HDX: variants seen among roughly 807,000 people sequenced by gnomAD.
HDX encodes highly divergent homeobox, also known as chromosome X open reading frame 43.
Under a neutral mutation model 45.2 loss-of-function variants are expected in HDX, and 19 were observed. That is an observed-to-expected ratio of 0.42 (90% confidence interval 0.29 to 0.62). The LOEUF (loss-of-function observed/expected upper bound fraction) is 0.62. Ranked by LOEUF, HDX falls within the 20% of genes least tolerant of loss-of-function variation. HDX has a pLI of 0.20. For synonymous variants in HDX, 188 were observed against 172.8 expected, an observed-to-expected ratio of 1.09 and a Z score of -0.69; for missense variants, 532 against 493.9, an observed-to-expected ratio of 1.08 and a Z score of -0.73.
intron 1 of HDX, among the ~76,000 whole-genome samples, chrX:84,490,393 A>G (rs1199806802): frequency 9.0e-6 from 1 of 111,627 alleles, no homozygotes; most frequent in Non-Finnish European, 1.9e-5. Context: ...TTTCTCCTCT[A>G]CTGGCCTTTG....
chrX:84,379,717 A>G (rs891275174), intron 5 of HDX, among the ~76,000 whole-genome samples: 1 of 111,055 alleles, frequency 9.0e-6, no homozygotes, highest in Non-Finnish European at 1.9e-5. Flanking sequence ...AACCTATGGG[A>G]TACAGAAAAG....
chrX:84,383,409 T>C (rs1359713627), intron 5 of HDX, among the ~76,000 whole-genome samples: 10 of 112,090 alleles, frequency 8.9e-5, no homozygotes, highest in African/African-American at 3.2e-4. Context: ...GTAGTATGTA[T>C]AGTTTATTCT....
intron 5 of HDX, among the ~76,000 whole-genome samples, chrX:84,432,336 A>C (rs1008192828): frequency 5.4e-5 from 6 of 111,976 alleles, no homozygotes; most frequent in African/African-American, 1.9e-4. Flanking sequence ...TTGGTTCCAT[A>C]CAAATGTTTA....
In HDX at chrX:84,341,128, C is replaced by A. The variant is rs2037075899; in HGVS notation, c.1660+3122G>T. ...TCTGAATATTTTCTCTCAGCTCACC[C>A]ACTCAACCACAGAAACACACAAATC... On this transcript the variant is annotated intron_variant, in intron 7 of 10. Coordinates refer to ENST00000373177, the MANE Select transcript of HDX (RefSeq NM_001177479.2). Among the ~76,000 whole-genome samples, 3 of 110,804 alleles carry A rather than the reference C, an allele frequency of 2.7e-5. No homozygotes were observed. In the South Asian group the frequency reaches 1.1e-3, roughly 42 times the overall value.
intron 5 of HDX, among the ~76,000 whole-genome samples, chrX:84,428,811 C>T (rs1013393362): frequency 3.6e-5 from 4 of 110,426 alleles, no homozygotes; most frequent in Non-Finnish European, 5.7e-5. Context: ...AATTTTTTCT[C>T]TATGTTTTAT....
chrX:84,473,410 G>A (rs930891269), intron 3 of HDX, among the ~76,000 whole-genome samples: 2 of 108,828 alleles, frequency 1.8e-5, no homozygotes, highest in Non-Finnish European at 3.8e-5. Context: ...CCTTTAACTG[G>A]AAAACCCATC....
intron 5 of HDX, among the ~76,000 whole-genome samples, chrX:84,374,415 A>G (rs1484118969): frequency 2.7e-5 from 3 of 110,619 alleles, no homozygotes; most frequent in Non-Finnish European, 5.7e-5. Flanking sequence ...ACTACTTTAA[A>G]GTTCATATGG....
chrX:84,496,215 G>A (rs7886548), intron 1 of HDX, among the ~76,000 whole-genome samples: 44,466 of 110,594 alleles, frequency 0.4, 7,845 homozygotes, highest in African/African-American at 0.69. Context: ...GTCATACAAT[G>A]TATAATGGAG....
chrX:84,404,741 G>T (rs1299154579), intron 5 of HDX, among the ~76,000 whole-genome samples: 1 of 111,341 alleles, frequency 9.0e-6, no homozygotes, highest in East Asian at 2.8e-4. Flanking sequence ...TTAAGTACTT[G>T]GATATGGTTG....
intron 5 of HDX, among the ~76,000 whole-genome samples, chrX:84,380,467 C>T (rs1207331056): frequency 9.1e-6 from 1 of 109,464 alleles, no homozygotes. Context: ...TCGATGTAAA[C>T]ATCCTCAACA....
intron 5 of HDX, among the ~76,000 whole-genome samples, chrX:84,378,033 T>C (rs2038097560): frequency 9.0e-6 from 1 of 111,035 alleles, no homozygotes; most frequent in African/African-American, 3.3e-5. Flanking sequence ...AAAACAACAA[T>C]GAAGCTCCAA....
At chrX:84,401,854 C>T (rs1260943352) in intron 5 of HDX, among the ~76,000 whole-genome samples, 1 of 112,408 alleles carries the variant, frequency 8.9e-6, no homozygotes, top group Non-Finnish European at 1.9e-5. Flanking sequence ...GGTACATATA[C>T]ACCATGAAAT....
chrX:84,357,793 A>G (rs2037522470), intron 6 of HDX, among the ~76,000 whole-genome samples: 1 of 112,412 alleles, frequency 8.9e-6, no homozygotes, highest in African/African-American at 3.2e-5. Context: ...GTAAAATTAC[A>G]TTTGCAGCTT....
intron 5 of HDX, among the ~76,000 whole-genome samples, chrX:84,392,289 A>G (rs965813161): frequency 9.0e-6 from 1 of 111,189 alleles, no homozygotes; most frequent in Non-Finnish European, 1.9e-5. Context: ...CTGTTTCTAT[A>G]TCAATACCAT....
chrX:84,352,369 T>C (rs998688139), intron 6 of HDX, among the ~76,000 whole-genome samples: 1 of 112,315 alleles, frequency 8.9e-6, no homozygotes, highest in African/African-American at 3.2e-5. Flanking sequence ...AATTGCCTAG[T>C]ATGAAATAAA....
chrX:84,376,902 CAT>C (rs1418874113), intron 5 of HDX, among the ~76,000 whole-genome samples: 107 of 111,786 alleles, frequency 9.6e-4, no homozygotes, highest in African/African-American at 3.4e-3. Context: ...CTAGTGCGAA[CAT>C]AGACAGTAGC....
At chrX:84,473,378 T>C (rs2040488182) in intron 3 of HDX, among the ~76,000 whole-genome samples, 1 of 103,345 alleles carries the variant, frequency 9.7e-6, no homozygotes, top group African/African-American at 3.5e-5. Context: ...GAGTGATGAG[T>C]CTACAAAAAA....
chrX:84,379,315 T>C (rs1476528258), intron 5 of HDX, among the ~76,000 whole-genome samples: 1 of 110,388 alleles, frequency 9.1e-6, no homozygotes, highest in Admixed American at 9.7e-5. Context: ...CTTTCATCAT[T>C]GGACAGGTCT....
intron 5 of HDX, among the ~76,000 whole-genome samples, chrX:84,432,565 T>C (rs1436915934): frequency 1.8e-5 from 2 of 111,685 alleles, no homozygotes; most frequent in African/African-American, 6.5e-5. Flanking sequence ...TTAGCTGTAT[T>C]CTTAGGTTTT....
Sources: allele counts gnomAD v4.1 joint callset (sites outside exome capture counted in the v4.1 genomes callset), GRCh38; gene constraint gnomAD v4.1.1; transcripts MANE v1.5; gene names NCBI Gene and HGNC (gene_info 2026-07-23, HGNC 2026-07-21).